The following FOXK2 variants were observed in gnomAD, a reference collection of about 807,000 sequenced individuals.
FOXK2 encodes the protein forkhead box K2, also known as forkhead box protein K2.
A neutral mutation model predicts 53.3 loss-of-function variants in FOXK2; 24 were observed. That is an observed-to-expected ratio of 0.45 (90% confidence interval 0.33 to 0.63). The LOEUF (loss-of-function observed/expected upper bound fraction) is 0.63, where lower values mean the gene tolerates loss of function less well. Among genes scored for constraint, FOXK2 ranks in the 30% least tolerant of loss-of-function variants. The pLI is 0.03. For synonymous variants in FOXK2, 505 were observed against 407.1 expected, an observed-to-expected ratio of 1.24 and a Z score of -2.89; for missense variants, 952 against 910.5, an observed-to-expected ratio of 1.05 and a Z score of -0.59.
At chr17:82,586,793 CG>C (rs2045179801) in intron 7 of FOXK2, among the ~76,000 whole-genome samples, 1 of 151,948 alleles carries the variant, frequency 6.6e-6, no homozygotes, top group East Asian at 1.9e-4. Flanking sequence ...CCCAGCTACT[CG>C]GGAGGCTGAG....
intron 1 of FOXK2, among the ~76,000 whole-genome samples, chr17:82,551,645 C>G (rs1378316428): frequency 2.0e-5 from 3 of 152,178 alleles, no homozygotes; most frequent in Non-Finnish European, 4.4e-5. Flanking sequence ...CACGCCACTG[C>G]ATTCCAGCCT....
chr17:82,547,675 A>G (rs2044639732), intron 1 of FOXK2, among the ~76,000 whole-genome samples: 1 of 152,110 alleles, frequency 6.6e-6, no homozygotes, highest in Non-Finnish European at 1.5e-5. Context: ...GGTACCTTTC[A>G]AAGAGTTTTG....
chr17:82,598,028 C>T, intron 8 of FOXK2, among the ~76,000 whole-genome samples: 1 of 152,204 alleles, frequency 6.6e-6, no homozygotes, highest in East Asian at 1.9e-4. Context: ...GTATGGGGTG[C>T]ACAGTGATGT....
intron 4 of FOXK2, among the ~76,000 whole-genome samples, chr17:82,579,283 C>T (rs568636162): frequency 6.6e-6 from 1 of 152,282 alleles, no homozygotes; most frequent in Non-Finnish European, 1.5e-5. Context: ...TTTGTCGGGG[C>T]ACCAATAACA....
At position 82,585,977 on chromosome 17, in the gene FOXK2, C is replaced by T. The variant is rs372705593; in HGVS notation, c.1353C>T (p.Thr451=). The T allele has an allele frequency of 5.6e-6, 9 of 1,612,690 alleles. No individual in the cohort carries two copies. In the African/African-American group the frequency reaches 9.3e-5, roughly 17 times the overall value. The change falls in exon 7 of 9, where the codon ACC becomes ACT. Residue 451 remains threonine, a synonymous_variant. Coordinates refer to ENST00000335255, the MANE Select transcript of FOXK2 (RefSeq NM_004514.4). ...TACCACAGGCCATCAAGCCTGTCACCTACACTGTGGCCACCCCAGTGACCA... is the reference window on the plus strand; with the variant it reads ...TACCACAGGCCATCAAGCCTGTCACTTACACTGTGGCCACCCCAGTGACCA... ...RQLPQAIKPV[T]YTVATPVTTS...
At chr17:82,548,850 T>G (rs1454704187) in intron 1 of FOXK2, among the ~76,000 whole-genome samples, 1 of 152,136 alleles carries the variant, frequency 6.6e-6, no homozygotes, top group Non-Finnish European at 1.5e-5. Context: ...TGGGGTAGAA[T>G]GATCTCAAGA....
At chr17:82,577,328 A>C in intron 4 of FOXK2, 1 of 834,586 alleles carries the variant, frequency 1.2e-6, no homozygotes, top group Non-Finnish European at 2.0e-6. Flanking sequence ...TCCAACCACA[A>C]CAGCAAATTC....
chr17:82,552,899 T>TA (rs573596462), intron 1 of FOXK2, among the ~76,000 whole-genome samples: 162 of 152,300 alleles, frequency 1.1e-3, no homozygotes, highest in Non-Finnish European at 2.0e-3. Flanking sequence ...GTCACCCCGT[T>TA]ACGTAAAATC....
At chr17:82,539,904 T>G (rs561818944) in intron 1 of FOXK2, among the ~76,000 whole-genome samples, 1 of 151,608 alleles carries the variant, frequency 6.6e-6, no homozygotes, top group South Asian at 2.1e-4. Flanking sequence ...AGGTGGAGGT[T>G]GCAGTGAGCT....
At position 82,587,290 on chromosome 17, in the gene FOXK2, G is replaced by T. The variant is rs752508185; in HGVS notation, c.1786+18G>T. ...GAACAATGGTAAGACATGCTGGTCG[G>T]TGGCTCCCCGTGGCTGTGGGTACTG... On this transcript the variant is annotated intron_variant, in intron 8 of 8. Coordinates refer to ENST00000335255, the MANE Select transcript of FOXK2 (RefSeq NM_004514.4). 1 of 1,589,194 alleles carries T rather than the reference G, an allele frequency of 6.3e-7. No individual in the cohort carries two copies. The highest frequency in any genetic ancestry group is 1.3e-5 in the African/African-American group (1 of 74,578).
intron 2 of FOXK2, among the ~76,000 whole-genome samples, chr17:82,564,455 C>CA (rs1203012461): frequency 6.6e-6 from 1 of 151,774 alleles, no homozygotes; most frequent in East Asian, 1.9e-4. Context: ...AGGATGAACT[C>CA]AAACTCCTGG....
rs144138488 is a variant in FOXK2 at position 82,525,255 on chromosome 17, C to T, written c.419+4948C>T. ...CGCAGTCTCAGCTCACTGCAGCCTC[C>T]GCCTCCTGGGTTCTGGGTTCAAGCA... On this transcript the variant is annotated intron_variant, in intron 1 of 8. Transcript: ENST00000335255. Among the ~76,000 whole-genome samples the T allele has an allele frequency of 9.9e-3, 1,510 of 152,174 alleles. 23 individuals are homozygous for T. The highest frequency in any genetic ancestry group is 0.033 in the African/African-American group (1,383 of 41,508).
At chr17:82,587,320 C>T in intron 8 of FOXK2, 48 bp downstream of exon 8, 1 of 1,419,784 alleles carries the variant, frequency 7.0e-7, no homozygotes, top group Middle Eastern at 1.9e-4. Context: ...GTACTGGGAG[C>T]AGAGCCCCTT....
intron 1 of FOXK2, among the ~76,000 whole-genome samples, chr17:82,550,197 AACACACACAC>A (rs144639667): frequency 2.0e-5 from 3 of 150,868 alleles, no homozygotes; most frequent in Non-Finnish European, 4.4e-5. Context: ...TCTCTAAACA[AACACACACAC>A]ACACACACAA....
intron 8 of FOXK2, chr17:82,595,706 T>G (rs1567989694): frequency 8.4e-7 from 1 of 1,197,464 alleles, no homozygotes; most frequent in Admixed American, 2.5e-5. Flanking sequence ...TTATTAAGCC[T>G]GTGTCACTAT....
chr17:82,537,619 C>CAAAAAAAA (rs963026198), intron 1 of FOXK2, among the ~76,000 whole-genome samples: 1 of 53,030 alleles, frequency 1.9e-5, no homozygotes, highest in Non-Finnish European at 3.4e-5. Flanking sequence ...GACTCCATCT[C>CAAAAAAAA]AAAAAAAAAA....
chr17:82,559,649 G>A (rs2044772049), intron 1 of FOXK2, among the ~76,000 whole-genome samples: 1 of 152,096 alleles, frequency 6.6e-6, no homozygotes, highest in Non-Finnish European at 1.5e-5. Flanking sequence ...GGAGGTGACA[G>A]CTGTACACAC....
intron 1 of FOXK2, chr17:82,559,354 C>G: frequency 4.4e-6 from 2 of 456,356 alleles, no homozygotes; most frequent in South Asian, 3.1e-5. Flanking sequence ...CTGCGCTCAG[C>G]TCAGAGCCAG....
At chr17:82,567,722 G>C (rs1018818143) in intron 2 of FOXK2, among the ~76,000 whole-genome samples, 19 of 151,858 alleles carry the variant, frequency 1.3e-4, no homozygotes, top group African/African-American at 3.4e-4. Flanking sequence ...TCTTTAATAA[G>C]TTCTGGAACC....
Sources: allele counts gnomAD v4.1 joint callset (sites outside exome capture counted in the v4.1 genomes callset), GRCh38; gene constraint gnomAD v4.1.1; transcripts MANE v1.5; gene names NCBI Gene and HGNC (gene_info 2026-07-23, HGNC 2026-07-21).